Variants in NAALADL2 observed in about 807,000 individuals in gnomAD.
NAALADL2 encodes N-acetylated alpha-linked acidic dipeptidase like 2, also known as inactive N-acetylated-alpha-linked acidic dipeptidase-like protein 2.
A neutral mutation model predicts 87.2 loss-of-function variants in NAALADL2; 76 were observed. The ratio of observed to expected loss-of-function variants is 0.87; its 90% CI spans 0.72 to 1.05. The LOEUF (loss-of-function observed/expected upper bound fraction) is 1.05. NAALADL2 is among the 50% of genes least tolerant of loss of function. NAALADL2 has a pLI of 0.00. For missense variants in NAALADL2, 1,089 were observed against 945.8 expected (o/e 1.15, Z -1.99); for synonymous variants, 354 against 331.0 (o/e 1.07, Z -0.75).
chr3:175,124,076 A>G (rs192637489), intron 2 of NAALADL2, among the ~76,000 whole-genome samples: 4 of 152,046 alleles, frequency 2.6e-5, no homozygotes, highest in Admixed American at 2.0e-4. Context: ...GTTTGTGTCT[A>G]TGTGGTTAAG....
At position 175,039,780 on chromosome 3, in the gene NAALADL2, C is replaced by T. The variant is rs539540415; in HGVS notation, c.44-57010C>T. On this transcript the variant is annotated intron_variant, in intron 1 of 13. Coordinates refer to ENST00000454872, the MANE Select transcript of NAALADL2 (RefSeq NM_207015.3). Reference sequence around the variant, plus strand: ...AAGAGTTTAGTATACAGTAGGAAAGCCATATTCCATTTTTCCAAAGCAATT... The same window carrying T: ...AAGAGTTTAGTATACAGTAGGAAAGTCATATTCCATTTTTCCAAAGCAATT... Among the ~76,000 whole-genome samples, 29 of 152,146 alleles carry T rather than the reference C, an allele frequency of 1.9e-4. No homozygotes were observed. In the South Asian group the frequency reaches 5.2e-3, roughly 27 times the overall value.
intron 4 of NAALADL2, among the ~76,000 whole-genome samples, chr3:175,307,523 GAAAATAGAA>G (rs1757865503): frequency 2.6e-5 from 4 of 152,088 alleles, no homozygotes; most frequent in Admixed American, 2.6e-4. Context: ...GTGAACATTT[GAAAATAGAA>G]TCAAATTACC....
chr3:175,319,566 T>A (rs562773270), intron 4 of NAALADL2, among the ~76,000 whole-genome samples: 1 of 152,280 alleles, frequency 6.6e-6, no homozygotes, highest in South Asian at 2.1e-4. Context: ...ACACCTATAA[T>A]CCCAGCCCTT....
intron 1 of NAALADL2, among the ~76,000 whole-genome samples, chr3:174,980,093 C>T (rs1364309469): frequency 2.6e-5 from 4 of 152,160 alleles, no homozygotes; most frequent in South Asian, 2.1e-4. Flanking sequence ...CCTCTTTCTC[C>T]GTTTACATGC....
At chr3:175,201,295 A>G (rs1226436658) in intron 2 of NAALADL2, among the ~76,000 whole-genome samples, 1 of 152,190 alleles carries the variant, frequency 6.6e-6, no homozygotes, top group African/African-American at 2.4e-5. Flanking sequence ...CAGAGTTGAT[A>G]AAAATTAAAT....
intron 3 of NAALADL2, among the ~76,000 whole-genome samples, chr3:174,819,022 T>C (rs1391362843): frequency 1.3e-5 from 2 of 151,030 alleles, no homozygotes; most frequent in African/African-American, 4.8e-5. Context: ...TTCACTTTGA[T>C]ATAAAATTTT....
intron 2 of NAALADL2, among the ~76,000 whole-genome samples, chr3:174,696,593 T>TAAAAAAAAAAAAAAAA (rs62946360): frequency 9.0e-6 from 1 of 110,524 alleles, no homozygotes; most frequent in African/African-American, 3.8e-5. Context: ...TGTAGTTATC[T>TAAAAAAAAAAAAAAAA]AAAAAAAAAA....
chr3:175,130,419 A>C (rs1362746422), intron 2 of NAALADL2, among the ~76,000 whole-genome samples: 2 of 152,160 alleles, frequency 1.3e-5, no homozygotes, highest in Non-Finnish European at 2.9e-5. Context: ...AGTCTTTGTC[A>C]AGACCAATGC....
At chr3:174,991,912 A>G (rs186683178) in intron 1 of NAALADL2, among the ~76,000 whole-genome samples, 1 of 152,198 alleles carries the variant, frequency 6.6e-6, no homozygotes, top group East Asian at 1.9e-4. Flanking sequence ...AATCCATAGG[A>G]GTTTTCAGAG....
At chr3:175,546,620 A>T (rs373202075) in intron 9 of NAALADL2, among the ~76,000 whole-genome samples, 2 of 152,164 alleles carry the variant, frequency 1.3e-5, no homozygotes, top group East Asian at 1.9e-4. Flanking sequence ...TTTGAAAAGG[A>T]TCTTATTTCT....
chr3:175,101,495 T>C (rs774142285), intron 2 of NAALADL2, among the ~76,000 whole-genome samples: 2 of 152,190 alleles, frequency 1.3e-5, no homozygotes, highest in Non-Finnish European at 2.9e-5. Flanking sequence ...TATTATATAA[T>C]AAATCCACCA....
intron 9 of NAALADL2, among the ~76,000 whole-genome samples, chr3:175,526,385 C>T (rs1450067852): frequency 2.0e-5 from 3 of 152,122 alleles, no homozygotes; most frequent in Non-Finnish European, 2.9e-5. Flanking sequence ...TATTCCCTAT[C>T]CTTGCTCTTT....
intron 3 of NAALADL2, among the ~76,000 whole-genome samples, chr3:174,819,243 T>A (rs1291595101): frequency 6.6e-6 from 1 of 151,598 alleles, no homozygotes; most frequent in African/African-American, 2.4e-5. Flanking sequence ...TTTTGTATGT[T>A]TTGTAGACAG....
chr3:174,759,703 CT>C (rs11295292), intron 3 of NAALADL2, among the ~76,000 whole-genome samples: 18,623 of 145,214 alleles, frequency 0.13, 1,198 homozygotes, highest in Middle Eastern at 0.19. Flanking sequence ...ATACAAATCA[CT>C]TTTTTTTTTT....
Position 175,343,655 on chromosome 3 carries a change from G to GTTTTTTTTTTTTTTTTTTTTT in NAALADL2, c.1090+19331_1090+19351dup, listed in dbSNP as rs113806607. Among the ~76,000 whole-genome samples, 317 of 64,636 alleles carry GTTTTTTTTTTTTTTTTTTTTT rather than the reference G, an allele frequency of 4.9e-3. 60 individuals are homozygous for GTTTTTTTTTTTTTTTTTTTTT. Among genetic ancestry groups the GTTTTTTTTTTTTTTTTTTTTT allele is most frequent in the East Asian group, 0.014 (22 of 1,562 alleles). 42.4% of individuals were successfully genotyped at this position (64,636 alleles called of 152,430 possible). ...TGGAGTTCCTGTGTGTCTTGATCATGTTTTTTTTTTTTTTTTTTTTTCCCT... is the reference window on the plus strand; with the variant it reads ...TGGAGTTCCTGTGTGTCTTGATCATGTTTTTTTTTTTTTTTTTTTTTTTTTTTTTTTTTTTTTTTTTTCCCT... On this transcript the variant is annotated intron_variant, in intron 5 of 13. Coordinates refer to ENST00000454872, the MANE Select transcript of NAALADL2 (RefSeq NM_207015.3).
chr3:175,202,483 C>T (rs1340307924), intron 2 of NAALADL2, among the ~76,000 whole-genome samples: 1 of 152,174 alleles, frequency 6.6e-6, no homozygotes, highest in East Asian at 1.9e-4. Flanking sequence ...AAATGTCCCA[C>T]ACAACATGCC....
At chr3:174,658,372 A>T (rs998029712) in intron 2 of NAALADL2, among the ~76,000 whole-genome samples, 1 of 152,146 alleles carries the variant, frequency 6.6e-6, no homozygotes, top group Non-Finnish European at 1.5e-5. Context: ...ATGACATATG[A>T]TGTGGAGCAT....
intron 3 of NAALADL2, among the ~76,000 whole-genome samples, chr3:174,826,802 C>T (rs1181443878): frequency 1.3e-5 from 2 of 152,108 alleles, no homozygotes; most frequent in Non-Finnish European, 2.9e-5. Flanking sequence ...TCCTAGATAG[C>T]ATTTCCATTC....
intron 11 of NAALADL2, among the ~76,000 whole-genome samples, chr3:175,723,337 C>T (rs1428929058): frequency 1.3e-5 from 2 of 152,128 alleles, no homozygotes; most frequent in Non-Finnish European, 2.9e-5. Flanking sequence ...AATATTGTGA[C>T]TGAGTCTTAG....
Sources: gnomAD v4.1 joint callset for allele counts (sites outside exome capture counted in the v4.1 genomes callset) on GRCh38, gnomAD v4.1.1 for gene constraint, MANE v1.5 for transcripts, NCBI Gene and HGNC (gene_info 2026-07-23, HGNC 2026-07-21) for gene names.